LRRIQ1: variants seen among roughly 807,000 people sequenced by gnomAD.
LRRIQ1 encodes leucine-rich repeat- and IQ domain-containing protein 1.
A neutral mutation model predicts 211.9 loss-of-function variants in LRRIQ1; 210 were observed. The ratio of observed to expected loss-of-function variants is 0.99; its 90% CI spans 0.89 to 1.11. The LOEUF (loss-of-function observed/expected upper bound fraction) is 1.11, where lower values mean the gene tolerates loss of function less well. Ranked by LOEUF, LRRIQ1 falls within the 50% of genes most tolerant of loss-of-function variation. The probability of loss-of-function intolerance (pLI) is 0.00; values close to 1 mark genes in which losing one functional copy is unlikely to be tolerated. For missense variants in LRRIQ1, 2,136 were observed against 1,939.5 expected, an observed-to-expected ratio of 1.10 and a Z score of -1.90; for synonymous variants, 699 against 650.1, an observed-to-expected ratio of 1.08 and a Z score of -1.14.
chr12:85,044,882 A>T, intron 4 of LRRIQ1, 73 bp downstream of exon 4: 1 of 598,836 alleles, frequency 1.7e-6, no homozygotes, highest in Non-Finnish European at 2.9e-6. Flanking sequence ...CAAGATTGAT[A>T]CTTCACTGAT....
chr12:85,183,309 T>C (rs1043981021), intron 24 of LRRIQ1, among the ~76,000 whole-genome samples: 2 of 152,142 alleles, frequency 1.3e-5, no homozygotes, highest in Non-Finnish European at 2.9e-5. Flanking sequence ...TCACTTTTCA[T>C]ACATTTTTGA....
chr12:85,087,099 C>G (rs1016860746), intron 11 of LRRIQ1, among the ~76,000 whole-genome samples: 10 of 152,086 alleles, frequency 6.6e-5, no homozygotes, highest in African/African-American at 2.4e-4. Context: ...CCCATCCCCC[C>G]ACCCCACGAC....
intron 24 of LRRIQ1, among the ~76,000 whole-genome samples, chr12:85,164,456 T>C (rs1891052905): frequency 6.6e-6 from 1 of 152,218 alleles, no homozygotes; most frequent in African/African-American, 2.4e-5. Flanking sequence ...TACATAGATT[T>C]TATTTGTGAG....
intron 11 of LRRIQ1, among the ~76,000 whole-genome samples, chr12:85,075,843 A>G (rs1883587395): frequency 6.6e-6 from 1 of 150,746 alleles, no homozygotes; most frequent in Non-Finnish European, 1.5e-5. Flanking sequence ...ATAAAGAGAA[A>G]CCTTGTCTCA....
chr12:85,217,063 A>G (rs1374947746), intron 24 of LRRIQ1, among the ~76,000 whole-genome samples: 1 of 151,962 alleles, frequency 6.6e-6, no homozygotes, highest in African/African-American at 2.4e-5. Flanking sequence ...TGCAAACAGT[A>G]TTTTAATATA....
At chr12:85,060,108 T>G (rs1277323943) in intron 8 of LRRIQ1, among the ~76,000 whole-genome samples, 3 of 151,928 alleles carry the variant, frequency 2.0e-5, no homozygotes, top group African/African-American at 7.2e-5. Flanking sequence ...CAGCAATATC[T>G]ATTATATAGG....
chr12:85,229,093 T>A (rs962933882), intron 24 of LRRIQ1, among the ~76,000 whole-genome samples: 4 of 152,108 alleles, frequency 2.6e-5, no homozygotes, highest in African/African-American at 9.7e-5. Flanking sequence ...AAATTCAGGT[T>A]CAAAAACACT....
In LRRIQ1 at chr12:85,073,518, A is replaced by G. The variant is rs770995900; in HGVS notation, c.2887+420A>G. Among the ~76,000 whole-genome samples the G allele has an allele frequency of 1.5e-4, 23 of 152,022 alleles. 1 individual carries two copies. Among genetic ancestry groups the G allele is most frequent in the Non-Finnish European group, 1.5e-4 (10 of 67,972 alleles). ...TAAAAAGAAAAGAAAGGCTGTTTGT[A>G]AAAAAAGAAATGCTTGAATTCCCGT... On this transcript the variant is annotated intron_variant, in intron 11 of 26. Transcript: ENST00000393217.
chr12:85,193,194 G>C (rs1456968059), intron 24 of LRRIQ1, among the ~76,000 whole-genome samples: 2 of 127,840 alleles, frequency 1.6e-5, no homozygotes, highest in Non-Finnish European at 3.2e-5. Flanking sequence ...ATCTACATCT[G>C]ATTGGTGTAC....
At chr12:85,069,057 A>G (rs1365564182) in intron 10 of LRRIQ1, among the ~76,000 whole-genome samples, 1 of 151,426 alleles carries the variant, frequency 6.6e-6, no homozygotes, top group Non-Finnish European at 1.5e-5. Context: ...GTCATTTAGC[A>G]TTAGGTATAC....
At chr12:85,122,793 C>G (rs556679973) in intron 16 of LRRIQ1, among the ~76,000 whole-genome samples, 2 of 151,706 alleles carry the variant, frequency 1.3e-5, no homozygotes, top group African/African-American at 4.8e-5. Flanking sequence ...ACAAATACTG[C>G]GATTATTTAC....
At chr12:85,111,898 A>G (rs575328752) in intron 15 of LRRIQ1, among the ~76,000 whole-genome samples, 1 of 151,824 alleles carries the variant, frequency 6.6e-6, no homozygotes, top group Non-Finnish European at 1.5e-5. Flanking sequence ...GGAAGGGGAC[A>G]TATGTACCAT....
rs201824425 is a variant in LRRIQ1, at chr12:85,073,038, A to G, written c.2827A>G (p.Ile943Val). The G allele has an allele frequency of 6.2e-7, 1 of 1,611,446 alleles. No homozygotes were observed. Among genetic ancestry groups the G allele is most frequent in the Admixed American group, 1.7e-5 (1 of 59,690 alleles). The part of the protein sequence containing the change: ...PTGLCWSWIP[I>V]TSLTKNSDCN... ...TGGATTATGTTGGTCCTGGATACCT[A>G]TTACCTCACTTACAAAAAATTCAGA... Residue 943 changes from isoleucine to valine, a missense_variant, in exon 11 of 27, where the codon ATT (isoleucine) becomes GTT (valine). Transcript: ENST00000393217.
At chr12:85,135,142 A>C (rs1307047290) in intron 18 of LRRIQ1, among the ~76,000 whole-genome samples, 1 of 151,356 alleles carries the variant, frequency 6.6e-6, no homozygotes, top group Non-Finnish European at 1.5e-5. Context: ...TTATACAGCA[A>C]CTCCCTTCTT....
intron 24 of LRRIQ1, among the ~76,000 whole-genome samples, chr12:85,181,229 A>T (rs1239291355): frequency 1.3e-5 from 2 of 151,968 alleles, no homozygotes; most frequent in Non-Finnish European, 2.9e-5. Context: ...CCACTTAGAG[A>T]TAAAATATTT....
chr12:85,055,154 T>G (rs1880827560), intron 7 of LRRIQ1, among the ~76,000 whole-genome samples: 1 of 152,116 alleles, frequency 6.6e-6, no homozygotes. Context: ...GTCTTCTTTA[T>G]CAGAACTCTC....
In LRRIQ1 at chr12:85,127,827, A is replaced by G; in HGVS notation, c.4008-5A>G. The G allele has an allele frequency of 6.2e-7, 1 of 1,611,420 alleles. No individual in the cohort carries two copies. Among genetic ancestry groups the G allele is most frequent in the South Asian group, 1.1e-5 (1 of 90,560 alleles). On this transcript the variant is annotated splice_region_variant and splice_polypyrimidine_tract_variant and intron_variant, in intron 17 of 26. Coordinates refer to ENST00000393217, the MANE Select transcript of LRRIQ1 (RefSeq NM_001079910.2). The stretch of plus-strand genomic sequence containing the variant: ...AGTGTGTGTTTTTTTTTCTCCTCTT[A>G]ATAGTATGGCAGCTGTGGTAATCCA...
At position 85,262,992 on chromosome 12, in the gene LRRIQ1, C is replaced by T. The variant is rs570901885; in HGVS notation, c.199C>T (p.Arg67Ter). The T allele has an allele frequency of 2.5e-4, 250 of 987,498 alleles. No individual in the cohort carries two copies. Among genetic ancestry groups the T allele is most frequent in the Non-Finnish European group, 2.8e-4 (233 of 829,916 alleles). The allele number at this position is 987,498 out of a possible 1,614,324, so 61.2% of individuals were successfully genotyped here. A position where few individuals can be genotyped will look rare whatever the true frequency, so the allele number is the denominator to read the frequency against. The change falls in exon 2 of 2, where the codon CGA (arginine) becomes TGA (stop). Residue 67 changes from arginine to a stop codon, truncating the protein, a stop_gained. Coordinates refer to the LRRIQ1 transcript ENST00000602731. LOFTEE classifies it high-confidence loss of function. Reference sequence around the variant, plus strand: ...TTCTAAAAAAGAACGTATATCATTCCGAGACAATCCTGTACAACTCAGTGG... The same window carrying T: ...TTCTAAAAAAGAACGTATATCATTCTGAGACAATCCTGTACAACTCAGTGG...
chr12:85,143,648 A>G (rs1009952654), intron 19 of LRRIQ1, among the ~76,000 whole-genome samples: 1 of 151,598 alleles, frequency 6.6e-6, no homozygotes, highest in African/African-American at 2.4e-5. Flanking sequence ...TTTTTAGCCT[A>G]TTATATTCTT....
Sources: allele counts gnomAD v4.1 joint callset (sites outside exome capture counted in the v4.1 genomes callset), GRCh38; gene constraint gnomAD v4.1.1; transcripts MANE v1.5; gene names NCBI Gene and HGNC (gene_info 2026-07-23, HGNC 2026-07-21).